WDR20: variants seen among roughly 807,000 people sequenced by gnomAD.
WDR20 encodes the protein WD repeat-containing protein 20.
Under a neutral mutation model 38.7 loss-of-function variants are expected in WDR20, and 3 were observed. The observed-to-expected ratio is 0.08, with a 90% confidence interval of 0.04 to 0.20. The LOEUF (loss-of-function observed/expected upper bound fraction) is 0.20. WDR20 is among the 10% of genes least tolerant of loss of function. The pLI, the probability that WDR20 is intolerant of heterozygous loss-of-function variation, is 1.00. For missense variants in WDR20, 559 were observed against 727.7 expected, an observed-to-expected ratio of 0.77 and a Z score of 2.67; for synonymous variants, 298 against 285.6, an observed-to-expected ratio of 1.04 and a Z score of -0.44.
chr14:102,154,436 A>G (rs1053012314), intron 1 of WDR20, among the ~76,000 whole-genome samples: 4 of 152,162 alleles, frequency 2.6e-5, no homozygotes, highest in Non-Finnish European at 5.9e-5. Flanking sequence ...AGTCCCATCC[A>G]TGGGAGCCAC....
At chr14:102,148,669 TTGTGTGTGTGTGTGTGTGTGTGTG>T (rs10525828) in intron 1 of WDR20, among the ~76,000 whole-genome samples, 2 of 144,836 alleles carry the variant, frequency 1.4e-5, no homozygotes, top group East Asian at 2.0e-4. Flanking sequence ...GAGTTTGGCT[TTGTGTGTGTGTGTGTGTGTGTGTG>T]TGTGTGTGTG....
intron 1 of WDR20, among the ~76,000 whole-genome samples, chr14:102,164,777 A>C (rs747896468): frequency 6.6e-6 from 1 of 152,224 alleles, no homozygotes; most frequent in African/African-American, 2.4e-5. Flanking sequence ...GAATTTAACT[A>C]TCGGATTTCT....
At chr14:102,196,934 ATCCT>A (rs765213984) in intron 2 of WDR20, among the ~76,000 whole-genome samples, 47 of 152,276 alleles carry the variant, frequency 3.1e-4, no homozygotes, top group Admixed American at 5.2e-4. Context: ...TAGTAAGGAG[ATCCT>A]CTGGCCATGT....
At chr14:102,149,214 A>G (rs1252802554) in intron 1 of WDR20, among the ~76,000 whole-genome samples, 2 of 152,228 alleles carry the variant, frequency 1.3e-5, no homozygotes, top group East Asian at 3.9e-4. Flanking sequence ...TTTCTTTTGT[A>G]GAGACTGGGT....
chr14:102,171,310 C>T (rs1705884023), intron 1 of WDR20: 1 of 135,644 alleles, frequency 7.4e-6, no homozygotes, highest in Admixed American at 8.4e-5. Flanking sequence ...GTTACCCAAG[C>T]TGGAGTACAG....
chr14:102,171,264 T>G (rs1461821833), intron 1 of WDR20: 39 of 112,910 alleles, frequency 3.5e-4, no homozygotes, highest in Non-Finnish European at 4.5e-4. Flanking sequence ...TCTTTTTTTT[T>G]TTTTTTTTTT....
At chr14:102,142,175 C>G (rs999168970) in intron 1 of WDR20, among the ~76,000 whole-genome samples, 7 of 152,080 alleles carry the variant, frequency 4.6e-5, no homozygotes, top group African/African-American at 1.7e-4. Flanking sequence ...AGTGTTTTAA[C>G]GCTTTTTGGG....
chr14:102,210,876 A>AGCG (rs1405756821), downstream of WDR20, among the ~76,000 whole-genome samples: 2 of 152,094 alleles, frequency 1.3e-5, no homozygotes, highest in African/African-American at 4.8e-5. Flanking sequence ...CGTCCCCCGC[A>AGCG]GAGGAAGCGG....
downstream of WDR20, among the ~76,000 whole-genome samples, chr14:102,217,470 T>G (rs959019215): frequency 6.6e-6 from 1 of 152,202 alleles, no homozygotes; most frequent in East Asian, 1.9e-4. Context: ...TCTGGGCAAG[T>G]GTGGCCCCTC....
intron 1 of WDR20, among the ~76,000 whole-genome samples, chr14:102,164,705 T>C (rs2059412844): frequency 6.6e-6 from 1 of 152,210 alleles, no homozygotes; most frequent in South Asian, 2.1e-4. Flanking sequence ...TCAACTTTTT[T>C]TTATACATTT....
chr14:102,218,936 G>A (rs562565384), downstream of WDR20, among the ~76,000 whole-genome samples: 49 of 152,328 alleles, frequency 3.2e-4, no homozygotes, highest in Middle Eastern at 3.4e-3. Context: ...GTCCTCCGTC[G>A]GCCGGGCCGG....
At chr14:102,213,189 C>T (rs981472794), downstream of WDR20, 6 of 985,420 alleles carry the variant, frequency 6.1e-6, no homozygotes, top group Admixed American at 6.1e-5. Context: ...CTAAACACTA[C>T]TGGTGGCCCT....
intron 1 of WDR20, among the ~76,000 whole-genome samples, chr14:102,191,847 C>A (rs910451586): frequency 1.3e-5 from 2 of 152,158 alleles, no homozygotes; most frequent in Non-Finnish European, 2.9e-5. Flanking sequence ...GTGCCACTCA[C>A]ACTAGTGTTG....
At chr14:102,212,728 G>A (rs1171869398), downstream of WDR20, 2 of 1,454,310 alleles carry the variant, frequency 1.4e-6, no homozygotes, top group South Asian at 2.8e-5. Flanking sequence ...TATCAGGTGT[G>A]TAAGGTGCAA....
intron 1 of WDR20, among the ~76,000 whole-genome samples, chr14:102,149,479 A>G (rs1018717966): frequency 2.6e-5 from 4 of 152,222 alleles, no homozygotes; most frequent in African/African-American, 9.6e-5. Context: ...TGGGTTTCAA[A>G]TAGATAATTT....
chr14:102,151,482 A>T (rs969318712), intron 1 of WDR20, among the ~76,000 whole-genome samples: 1 of 151,274 alleles, frequency 6.6e-6, no homozygotes, highest in Non-Finnish European at 1.5e-5. Context: ...TGCAGCCTTG[A>T]ACTCCTGGGC....
intron 1 of WDR20, among the ~76,000 whole-genome samples, chr14:102,174,393 A>G (rs1334542590): frequency 2.0e-5 from 3 of 152,106 alleles, no homozygotes; most frequent in Non-Finnish European, 2.9e-5. Flanking sequence ...CACCACATCC[A>G]CACCAGCATC....
Position 102,140,001 on chromosome 14 carries a change from G to T in WDR20, c.78G>T (p.Leu26=). Reference sequence around the variant, plus strand: ...CCACCCGGGAAGGTCTGTACAAGCTGCTGCCGCACTCGGAGTACAGCCGGC... The same window carrying T: ...CCACCCGGGAAGGTCTGTACAAGCTTCTGCCGCACTCGGAGTACAGCCGGC... ...QFTTREGLYK[L]LPHSEYSRPN... The change falls in exon 1 of 3, where the codon CTG becomes CTT. Residue 26 remains leucine, a synonymous_variant. Transcript: ENST00000342702. 1 of 1,614,248 alleles carries T rather than the reference G, an allele frequency of 6.2e-7. No individual in the cohort carries two copies. Among genetic ancestry groups the T allele is most frequent in the Non-Finnish European group, 8.5e-7 (1 of 1,180,034 alleles).
At chr14:102,201,644 A>G (rs748379282) in intron 2 of WDR20, among the ~76,000 whole-genome samples, 8 of 152,206 alleles carry the variant, frequency 5.3e-5, no homozygotes, top group Non-Finnish European at 1.0e-4. Flanking sequence ...GAGTGGAGAC[A>G]TGGAGCCTGC....
Sources: gnomAD v4.1 joint callset for allele counts (sites outside exome capture counted in the v4.1 genomes callset) on GRCh38, gnomAD v4.1.1 for gene constraint, MANE v1.5 for transcripts, NCBI Gene and HGNC (gene_info 2026-07-23, HGNC 2026-07-21) for gene names.